The following CSMD1 variants were observed in gnomAD, a reference collection of about 807,000 sequenced individuals.
CSMD1 encodes the protein CUB and Sushi multiple domains 1, also known as CUB and sushi domain-containing protein 1.
Under a neutral mutation model 417.5 loss-of-function variants are expected in CSMD1, and 213 were observed. The observed-to-expected ratio is 0.51, with a 90% CI of 0.46 to 0.57. The LOEUF (loss-of-function observed/expected upper bound fraction) is 0.57. CSMD1 is among the 20% of genes least tolerant of loss of function. The pLI is 0.00. For synonymous variants in CSMD1, 2,862 were observed against 1,736.8 expected (o/e 1.65, Z -16.11); for missense variants, 6,923 against 4,529.7 (o/e 1.53, Z -15.17).
At chr8:4,529,375 T>C (rs1402212983) in intron 2 of CSMD1, among the ~76,000 whole-genome samples, 1 of 152,214 alleles carries the variant, frequency 6.6e-6, no homozygotes, top group African/African-American at 2.4e-5. Flanking sequence ...TTTGCTCAAA[T>C]GTAAATCAAT....
intron 5 of CSMD1, among the ~76,000 whole-genome samples, chr8:3,887,365 C>T (rs531737719): frequency 1.3e-5 from 2 of 152,272 alleles, no homozygotes; most frequent in South Asian, 2.1e-4. Context: ...GATAAATCAA[C>T]AGCTCTTTCC....
In CSMD1 at chr8:3,136,308, G is replaced by A. The variant is rs188303314; in HGVS notation, c.6241+6157C>T. ...GTTTCGCTCTGTCACCCAGACTGGAGTGCAATGGCATGATCTCGGCTCACT... is the reference window on the plus strand; with the variant it reads ...GTTTCGCTCTGTCACCCAGACTGGAATGCAATGGCATGATCTCGGCTCACT... On this transcript the variant is annotated intron_variant, in intron 41 of 69. Coordinates refer to ENST00000635120, the MANE Select transcript of CSMD1 (RefSeq NM_033225.6). Among the ~76,000 whole-genome samples, 136 of 147,308 alleles carry A rather than the reference G, an allele frequency of 9.2e-4. 2 individuals are homozygous for A. The highest frequency in any genetic ancestry group is 3.1e-3 in the African/African-American group (123 of 39,604).
intron 5 of CSMD1, among the ~76,000 whole-genome samples, chr8:3,854,158 AT>A (rs1342123450): frequency 4.8e-5 from 5 of 103,720 alleles, no homozygotes; most frequent in African/African-American, 6.9e-5. Flanking sequence ...TATAATAATA[AT>A]AAAAAAAAAA....
intron 3 of CSMD1, among the ~76,000 whole-genome samples, chr8:4,062,850 C>T (rs1799049891): frequency 1.3e-5 from 2 of 151,208 alleles, no homozygotes; most frequent in African/African-American, 4.9e-5. Context: ...ACCCTACCAG[C>T]CAAGAGAAAT....
chr8:3,726,866 T>C (rs985672111), intron 6 of CSMD1, among the ~76,000 whole-genome samples: 37 of 152,326 alleles, frequency 2.4e-4, no homozygotes, highest in African/African-American at 7.9e-4. Context: ...TGCCCAAAGA[T>C]AGATTTCCTG....
At chr8:3,527,677 G>C (rs545765716) in intron 10 of CSMD1, among the ~76,000 whole-genome samples, 1 of 152,218 alleles carries the variant, frequency 6.6e-6, no homozygotes, top group East Asian at 1.9e-4. Context: ...CAATTTGCTG[G>C]CTCTGCTTTT....
chr8:3,455,597 G>C (rs895774210), intron 12 of CSMD1, among the ~76,000 whole-genome samples: 1 of 152,198 alleles, frequency 6.6e-6, no homozygotes, highest in Non-Finnish European at 1.5e-5. Context: ...TGTGTGCCTG[G>C]GTATCAGCAG....
At chr8:3,378,593 T>C (rs1371644890) in intron 18 of CSMD1, among the ~76,000 whole-genome samples, 2 of 152,168 alleles carry the variant, frequency 1.3e-5, no homozygotes, top group Admixed American at 1.3e-4. Context: ...GCTAGTTCCA[T>C]ATATGCAAAT....
chr8:3,444,678 C>T (rs1365059306), intron 12 of CSMD1, among the ~76,000 whole-genome samples: 1 of 152,080 alleles, frequency 6.6e-6, no homozygotes, highest in Non-Finnish European at 1.5e-5. Context: ...TGGTGATAGG[C>T]CTGAGGCTGA....
At chr8:3,906,164 T>C (rs1221140982) in intron 5 of CSMD1, among the ~76,000 whole-genome samples, 1 of 152,192 alleles carries the variant, frequency 6.6e-6, no homozygotes, top group Non-Finnish European at 1.5e-5. Context: ...TCATACTACC[T>C]GCATTTGTGA....
intron 1 of CSMD1, among the ~76,000 whole-genome samples, chr8:4,878,847 G>T (rs540796640): frequency 1.3e-5 from 2 of 151,550 alleles, no homozygotes; most frequent in African/African-American, 4.9e-5. Flanking sequence ...ATATGTCACC[G>T]AGACTTGCAG....
chr8:2,945,362 T>C lies in CSMD1; in HGVS notation c.10403-2758A>G, dbSNP rs1383078251. 1.3e-5 allele frequency among the ~76,000 whole-genome samples: 2 copies of C among 152,198 alleles called. 1 individual carries two copies. The highest frequency in any genetic ancestry group is 2.9e-5 in the Non-Finnish European group (2 of 68,036). Reference sequence around the variant, plus strand: ...ATTGGCATATATGAATCAGATTTAATTTTTTAAGGTGTGTAGTATTCTACT... The same window carrying C: ...ATTGGCATATATGAATCAGATTTAACTTTTTAAGGTGTGTAGTATTCTACT... On this transcript the variant is annotated intron_variant, in intron 68 of 69. Transcript: ENST00000635120.
intron 2 of CSMD1, among the ~76,000 whole-genome samples, chr8:4,582,485 G>A (rs1226982466): frequency 6.6e-6 from 1 of 152,188 alleles, no homozygotes; most frequent in African/African-American, 2.4e-5. Context: ...CTTTCCTCCA[G>A]GCACCAGGCA....
intron 3 of CSMD1, among the ~76,000 whole-genome samples, chr8:4,312,975 G>A (rs10095064): frequency 6.6e-6 from 1 of 152,082 alleles, no homozygotes; most frequent in Non-Finnish European, 1.5e-5. Flanking sequence ...GACCTGCAAG[G>A]TAAGTTTTGC....
chr8:4,179,051 T>A (rs1798210635), intron 3 of CSMD1, among the ~76,000 whole-genome samples: 1 of 152,170 alleles, frequency 6.6e-6, no homozygotes, highest in African/African-American at 2.4e-5. Context: ...TACCAATGAC[T>A]TTCTTCACAT....
chr8:4,881,711 T>C (rs1377110894), intron 1 of CSMD1, among the ~76,000 whole-genome samples: 1 of 152,092 alleles, frequency 6.6e-6, no homozygotes, highest in African/African-American at 2.4e-5. Flanking sequence ...ACTTGATATT[T>C]TGAATAAAAA....
rs147885050 is a variant in CSMD1, at chr8:4,782,655, A to G, written c.86-145097T>C. Among the ~76,000 whole-genome samples the G allele has an allele frequency of 3.9e-3, 597 of 152,294 alleles. 3 individuals carry two copies. Among genetic ancestry groups the G allele is most frequent in the Non-Finnish European group, 6.4e-3 (434 of 68,032 alleles). On this transcript the variant is annotated intron_variant, in intron 1 of 69. Transcript: ENST00000635120. Reference sequence around the variant, plus strand: ...ATTTTTTACTGTATATTTTTGTACAATATAGCTCTACTGTGACTCATACTT... The same window carrying G: ...ATTTTTTACTGTATATTTTTGTACAGTATAGCTCTACTGTGACTCATACTT...
intron 3 of CSMD1, among the ~76,000 whole-genome samples, chr8:4,050,861 A>C (rs1218800417): frequency 1.3e-5 from 2 of 152,144 alleles, no homozygotes. Flanking sequence ...CTGGATCTGA[A>C]AGGGCACTTC....
At chr8:4,564,907 C>T (rs1257192345) in intron 2 of CSMD1, among the ~76,000 whole-genome samples, 1 of 152,216 alleles carries the variant, frequency 6.6e-6, no homozygotes, top group African/African-American at 2.4e-5. Context: ...TCACCCATTT[C>T]TCTATGATAT....
Sources: allele counts gnomAD v4.1 joint callset (sites outside exome capture counted in the v4.1 genomes callset), GRCh38; gene constraint gnomAD v4.1.1; transcripts MANE v1.5; gene names NCBI Gene and HGNC (gene_info 2026-07-23, HGNC 2026-07-21).